The following DMD variants were observed in gnomAD, a reference collection of about 807,000 sequenced individuals.
DMD encodes dystrophin, also known as mutant dystrophin.
Under a neutral mutation model 330.1 loss-of-function variants are expected in DMD, and 63 were observed. The observed-to-expected ratio is 0.19, with a 90% CI of 0.16 to 0.24. The LOEUF (loss-of-function observed/expected upper bound fraction) is 0.24. DMD is among the 10% of genes least tolerant of loss of function. The pLI is 1.00. For synonymous variants in DMD, 1,223 were observed against 959.8 expected (o/e 1.27, Z -5.07); for missense variants, 3,344 against 2,684.1 (o/e 1.25, Z -5.43).
At chrX:32,886,564 T>C (rs1055142530) in intron 2 of DMD, among the ~76,000 whole-genome samples, 2 of 109,644 alleles carry the variant, frequency 1.8e-5, no homozygotes, top group Non-Finnish European at 3.8e-5. Context: ...GCGCCTGTGG[T>C]CCCAGCTACT....
intron 44 of DMD, among the ~76,000 whole-genome samples, chrX:32,007,670 A>G (rs1173681088): frequency 9.0e-6 from 1 of 111,216 alleles, no homozygotes; most frequent in Non-Finnish European, 1.9e-5. Context: ...ATTTCAGGCC[A>G]AATACACAGC....
chrX:31,335,113 T>C (rs1275479135), intron 61 of DMD, among the ~76,000 whole-genome samples: 1 of 112,458 alleles, frequency 8.9e-6, no homozygotes, highest in Non-Finnish European at 1.9e-5. Flanking sequence ...CCATCTTCTC[T>C]TGTTAAAATG....
chrX:32,880,518 C>A (rs754227576), intron 2 of DMD, among the ~76,000 whole-genome samples: 3 of 111,672 alleles, frequency 2.7e-5, no homozygotes, highest in Non-Finnish European at 5.6e-5. Flanking sequence ...TGCATACCCC[C>A]GTGGTAGGAC....
chrX:31,436,186 T>C (rs970161048), intron 60 of DMD, among the ~76,000 whole-genome samples: 6 of 112,260 alleles, frequency 5.3e-5, no homozygotes, highest in African/African-American at 1.9e-4. Flanking sequence ...ATTACCATAA[T>C]AGCTAGCCTT....
chrX:32,705,884 C>G (rs893801010), intron 7 of DMD, among the ~76,000 whole-genome samples: 1 of 109,883 alleles, frequency 9.1e-6, no homozygotes, highest in African/African-American at 3.3e-5. Flanking sequence ...GGGTATATAC[C>G]CAAAGGACTA....
intron 74 of DMD, among the ~76,000 whole-genome samples, chrX:31,165,657 C>A (rs2039340356): frequency 8.9e-6 from 1 of 111,826 alleles, no homozygotes; most frequent in South Asian, 3.7e-4. Context: ...AAAAAGTAAA[C>A]CTTGAGTCTG....
chrX:31,171,253 ATTCT>A (rs775686440), intron 73 of DMD, among the ~76,000 whole-genome samples: 8 of 111,910 alleles, frequency 7.1e-5, no homozygotes, highest in Non-Finnish European at 1.3e-4. Context: ...GGTTGACTTG[ATTCT>A]TTATTATTAG....
chrX:32,978,487 T>A (rs1408714457), intron 2 of DMD, among the ~76,000 whole-genome samples: 1 of 112,258 alleles, frequency 8.9e-6, no homozygotes, highest in Admixed American at 9.4e-5. Flanking sequence ...TCTTTTTTTT[T>A]GAGACAGGGT....
At chrX:32,771,941 C>T (rs67126730) in intron 7 of DMD, among the ~76,000 whole-genome samples, 9,694 of 111,344 alleles carry the variant, frequency 0.087, 1,041 homozygotes, top group African/African-American at 0.3. Flanking sequence ...TTATATAGAG[C>T]ACTAGGAGGT....
At chrX:33,246,391 G>T (rs1412789029) in intron 1 of DMD, among the ~76,000 whole-genome samples, 3 of 111,066 alleles carry the variant, frequency 2.7e-5, no homozygotes, top group African/African-American at 9.8e-5. Flanking sequence ...TGATATCGTT[G>T]CCTTCCTGGC....
At chrX:33,051,711 C>T (rs1287604900) in intron 1 of DMD, among the ~76,000 whole-genome samples, 1 of 96,758 alleles carries the variant, frequency 1.0e-5, no homozygotes. Flanking sequence ...TTCAGTGGCA[C>T]GATCTCAACT....
chrX:31,630,033 T>C (rs950241270), intron 54 of DMD, among the ~76,000 whole-genome samples: 1 of 112,645 alleles, frequency 8.9e-6, no homozygotes, highest in African/African-American at 3.2e-5. Context: ...ATCAGCTTCA[T>C]GATGAGCTGC....
At chrX:32,809,402 G>T in intron 7 of DMD, 91 bp downstream of exon 7, 2 of 767,224 alleles carry the variant, frequency 2.6e-6, no homozygotes, top group Non-Finnish European at 2.0e-6. Context: ...AAGATATGTA[G>T]TTTTGTATTT....
intron 61 of DMD, among the ~76,000 whole-genome samples, chrX:31,331,538 G>A (rs145203824): frequency 0.012 from 1,382 of 111,553 alleles, 14 homozygotes; most frequent in African/African-American, 0.041. Flanking sequence ...AGCTTCCTAA[G>A]GTCAGATATA....
chrX:32,749,183 C>T (rs1435795059), intron 7 of DMD, among the ~76,000 whole-genome samples: 1 of 112,088 alleles, frequency 8.9e-6, no homozygotes, highest in African/African-American at 3.2e-5. Flanking sequence ...TAATATCCAT[C>T]CCTTGAGAAC....
chrX:32,472,224 G>A lies in DMD; in HGVS notation c.2889C>T (p.Ser963=), dbSNP rs943720115. ...TWVQQSETKL[S]IPQLSVTDYE... is the part of the protein sequence containing the mutation. ...AGTCGGTGACACTAAGTTGAGGTATGGAGAGTTTGGTTTCTGACTGCTGGA... is the reference window on the plus strand; with the variant it reads ...AGTCGGTGACACTAAGTTGAGGTATAGAGAGTTTGGTTTCTGACTGCTGGA... The change falls in exon 22 of 79, where the codon TCC becomes TCT. Residue 963 remains serine, a synonymous_variant. Coordinates refer to ENST00000357033, the MANE Select transcript of DMD (RefSeq NM_004006.3). 1 of 1,210,725 alleles carries A rather than the reference G, an allele frequency of 8.3e-7. No individual in the cohort carries two copies. Among genetic ancestry groups the A allele is most frequent in the Non-Finnish European group, 1.1e-6 (1 of 894,700 alleles).
chrX:31,285,275 A>C (rs977745278), intron 62 of DMD, among the ~76,000 whole-genome samples: 12 of 112,318 alleles, frequency 1.1e-4, no homozygotes, highest in African/African-American at 3.9e-4. Flanking sequence ...ATGATATAAT[A>C]AGCAGAATGG....
intron 1 of DMD, among the ~76,000 whole-genome samples, chrX:33,025,234 A>G (rs2093974719): frequency 8.9e-6 from 1 of 112,192 alleles, no homozygotes; most frequent in Non-Finnish European, 1.9e-5. Flanking sequence ...AGGTAGGAGG[A>G]GGATAAAGAT....
chrX:31,141,642 G>GGTAA (rs56924994), intron 76 of DMD, among the ~76,000 whole-genome samples: 2 of 110,439 alleles, frequency 1.8e-5, no homozygotes, highest in African/African-American at 3.3e-5. Flanking sequence ...AGCTAAGGAA[G>GGTAA]GCAGGTAAAG....
Sources: allele counts gnomAD v4.1 joint callset (sites outside exome capture counted in the v4.1 genomes callset), GRCh38; gene constraint gnomAD v4.1.1; transcripts MANE v1.5; gene names NCBI Gene and HGNC (gene_info 2026-07-23, HGNC 2026-07-21).